Variants in PDE4D observed in about 807,000 individuals in gnomAD.
PDE4D encodes the protein 3',5'-cyclic-AMP phosphodiesterase 4D.
In PDE4D, 24 loss-of-function variants were observed where a neutral mutation model predicts 87.4. That is an observed-to-expected ratio of 0.27 (90% CI 0.20 to 0.39). PDE4D has a LOEUF of 0.39. Among genes scored for constraint, PDE4D ranks in the 10% least tolerant of loss-of-function variants. The probability of loss-of-function intolerance (pLI) is 1.00; values close to 1 mark genes in which losing one functional copy is unlikely to be tolerated. For missense variants in PDE4D, 714 were observed against 1,041.0 expected (o/e 0.69, Z 4.32); for synonymous variants, 384 against 383.2 (o/e 1.00, Z -0.02).
At chr5:59,690,141 C>T (rs1161144057) in intron 1 of PDE4D, among the ~76,000 whole-genome samples, 1 of 152,102 alleles carries the variant, frequency 6.6e-6, no homozygotes, top group Non-Finnish European at 1.5e-5. Flanking sequence ...GGCCACACTG[C>T]CCAAGGTAAT....
At chr5:59,085,608 A>G (rs1230239334) in intron 5 of PDE4D, among the ~76,000 whole-genome samples, 9 of 152,200 alleles carry the variant, frequency 5.9e-5, no homozygotes, top group Non-Finnish European at 5.9e-5. Flanking sequence ...CATATAAACT[A>G]TATCAGGACA....
At chr5:59,768,743 C>T in intron 1 of PDE4D, 1 of 989,868 alleles carries the variant, frequency 1.0e-6, no homozygotes, top group South Asian at 1.8e-5. Context: ...CCAAAGATCA[C>T]TGACAAGCTC....
At chr5:59,333,561 A>G (rs1777115894) in intron 1 of PDE4D, among the ~76,000 whole-genome samples, 1 of 152,176 alleles carries the variant, frequency 6.6e-6, no homozygotes, top group Non-Finnish European at 1.5e-5. Context: ...TTCATTTCCA[A>G]CAGAAATCCA....
At chr5:59,454,946 G>T (rs955860109) in intron 1 of PDE4D, among the ~76,000 whole-genome samples, 17 of 152,142 alleles carry the variant, frequency 1.1e-4, no homozygotes, top group Admixed American at 9.2e-4. Flanking sequence ...GTGACTTAGG[G>T]TATTTGGTGG....
intron 1 of PDE4D, among the ~76,000 whole-genome samples, chr5:59,783,888 G>A (rs538486104): frequency 5.3e-5 from 8 of 152,018 alleles, no homozygotes; most frequent in East Asian, 1.9e-4. Flanking sequence ...GCAATATGGC[G>A]AAACCCTATC....
intron 2 of PDE4D, among the ~76,000 whole-genome samples, chr5:60,048,257 G>A (rs1933456433): frequency 6.6e-6 from 1 of 152,216 alleles, no homozygotes; most frequent in Non-Finnish European, 1.5e-5. Context: ...GCCTATGTGT[G>A]TCTCTGCACG....
intron 5 of PDE4D, among the ~76,000 whole-genome samples, chr5:59,047,059 G>C (rs1011828666): frequency 6.6e-6 from 1 of 152,178 alleles, no homozygotes; most frequent in African/African-American, 2.4e-5. Flanking sequence ...GTTCAAGTGA[G>C]AGGTTGTGAG....
At chr5:59,734,779 G>T (rs182313972) in intron 1 of PDE4D, among the ~76,000 whole-genome samples, 1 of 152,228 alleles carries the variant, frequency 6.6e-6, no homozygotes, top group East Asian at 1.9e-4. Context: ...GTGAGGGAGA[G>T]ATGAAAAAAG....
At chr5:60,336,877 G>A (rs1028681661) in intron 1 of PDE4D, among the ~76,000 whole-genome samples, 2 of 152,078 alleles carry the variant, frequency 1.3e-5, no homozygotes, top group African/African-American at 4.8e-5. Context: ...ATAAGTAATG[G>A]ATAATTTTTA....
At chr5:59,943,646 T>C (rs1002246907) in intron 3 of PDE4D, among the ~76,000 whole-genome samples, 1 of 152,218 alleles carries the variant, frequency 6.6e-6, no homozygotes, top group Non-Finnish European at 1.5e-5. Flanking sequence ...CTTGAAATAC[T>C]CTGCAGTTCC....
intron 2 of PDE4D, among the ~76,000 whole-genome samples, chr5:60,063,303 T>C (rs926874289): frequency 4.6e-5 from 7 of 152,124 alleles, no homozygotes; most frequent in Non-Finnish European, 8.8e-5. Context: ...ACTTTATAAA[T>C]ATTTATTGAG....
chr5:59,639,806 G>A (rs1194405365), intron 1 of PDE4D, among the ~76,000 whole-genome samples: 2 of 137,876 alleles, frequency 1.5e-5, no homozygotes, highest in Middle Eastern at 3.4e-3. Context: ...TAAATATAGT[G>A]TCTATAGTGT....
chr5:59,060,040 G>A (rs577603587), intron 5 of PDE4D, among the ~76,000 whole-genome samples: 12 of 152,216 alleles, frequency 7.9e-5, no homozygotes, highest in Admixed American at 2.6e-4. Context: ...TAGTAGAAGC[G>A]TTATGTAGAT....
At chr5:60,417,153 A>C (rs1742674914) in intron 1 of PDE4D, among the ~76,000 whole-genome samples, 1 of 152,364 alleles carries the variant, frequency 6.6e-6, no homozygotes, top group East Asian at 1.9e-4. Flanking sequence ...GCAATTGAAA[A>C]GACCACATAA....
At chr5:59,438,202 TGG>T (rs968225492) in intron 1 of PDE4D, among the ~76,000 whole-genome samples, 10 of 152,200 alleles carry the variant, frequency 6.6e-5, no homozygotes, top group African/African-American at 2.4e-4. Context: ...AGATGAGATA[TGG>T]GTGGGTACAC....
At chr5:59,955,484 T>A (rs1758726375) in intron 3 of PDE4D, among the ~76,000 whole-genome samples, 2 of 152,110 alleles carry the variant, frequency 1.3e-5, no homozygotes, top group South Asian at 4.1e-4. Context: ...AGGGAGGGAA[T>A]CCCTGGGAAT....
At chr5:59,422,702 G>C (rs769561911) in intron 1 of PDE4D, among the ~76,000 whole-genome samples, 15 of 152,182 alleles carry the variant, frequency 9.9e-5, no homozygotes, top group Non-Finnish European at 1.9e-4. Context: ...GTAGTGTCTT[G>C]TACTTTGCTG....
intron 1 of PDE4D, among the ~76,000 whole-genome samples, chr5:59,263,770 G>A (rs1256695398): frequency 6.6e-6 from 1 of 151,736 alleles, no homozygotes; most frequent in East Asian, 1.9e-4. Flanking sequence ...TTCAAAAGCA[G>A]GAAATTTAAA....
In PDE4D at chr5:59,536,504, CAAAAAAAAAAAAA is replaced by C. The variant is rs10586960; in HGVS notation, c.456-320549_456-320537del. Among the ~76,000 whole-genome samples, 10 of 56,376 alleles carry C rather than the reference CAAAAAAAAAAAAA, an allele frequency of 1.8e-4. No individual in the cohort carries two copies. In the East Asian group the frequency reaches 0.013, roughly 71 times the overall value. 37.0% of individuals were successfully genotyped at this position (56,376 alleles called of 152,430 possible). A position where few individuals can be genotyped will look rare whatever the true frequency, so the allele number is the denominator to read the frequency against. On this transcript the variant is annotated intron_variant, in intron 1 of 14. Coordinates refer to ENST00000340635, the MANE Select transcript of PDE4D (RefSeq NM_001104631.2). Reference sequence around the variant, plus strand: ...TGGGCAACAGAGCAAGACTCAGCCTCAAAAAAAAAAAAAAAAAAAAAAAAAAAAAAAATTACCT... The same window carrying C: ...TGGGCAACAGAGCAAGACTCAGCCTCAAAAAAAAAAAAAAAAAAATTACCT...
Sources: gnomAD v4.1 joint callset for allele counts (sites outside exome capture counted in the v4.1 genomes callset) on GRCh38, gnomAD v4.1.1 for gene constraint, MANE v1.5 for transcripts, NCBI Gene and HGNC (gene_info 2026-07-23, HGNC 2026-07-21) for gene names.